The following TTC28 variants were observed in gnomAD, a reference collection of about 807,000 sequenced individuals.
TTC28 encodes the protein tetratricopeptide repeat domain 28, also known as tetratricopeptide repeat protein 28.
A neutral mutation model predicts 198.0 loss-of-function variants in TTC28; 61 were observed. The ratio of observed to expected loss-of-function variants is 0.31; its 90% CI spans 0.25 to 0.38. The LOEUF (loss-of-function observed/expected upper bound fraction) is 0.38. TTC28 is among the 10% of genes least tolerant of loss of function. The probability of loss-of-function intolerance (pLI) is 1.00; values close to 1 mark genes in which losing one functional copy is unlikely to be tolerated. For synonymous variants in TTC28, 1,171 were observed against 1,297.8 expected (o/e 0.90, Z 2.10); for missense variants, 2,678 against 3,164.0 (o/e 0.85, Z 3.69).
At chr22:28,590,376 A>T (rs978910987) in intron 2 of TTC28, among the ~76,000 whole-genome samples, 8 of 151,936 alleles carry the variant, frequency 5.3e-5, no homozygotes, top group Non-Finnish European at 8.8e-5. Flanking sequence ...TGATCCGCCC[A>T]CCTTGGCCTC....
intron 12 of TTC28, among the ~76,000 whole-genome samples, chr22:28,064,079 A>T (rs751395399): frequency 2.0e-5 from 3 of 152,178 alleles, no homozygotes; most frequent in Non-Finnish European, 4.4e-5. Context: ...ATGGGATATG[A>T]AATAGGATAA....
intron 12 of TTC28, among the ~76,000 whole-genome samples, chr22:28,069,641 A>G (rs1213669958): frequency 6.6e-6 from 1 of 152,186 alleles, no homozygotes; most frequent in Non-Finnish European, 1.5e-5. Context: ...CAAGTATTAT[A>G]TAGAATCTGG....
At chr22:28,298,283 A>G (rs569037028) in intron 3 of TTC28, among the ~76,000 whole-genome samples, 95 of 152,306 alleles carry the variant, frequency 6.2e-4, no homozygotes, top group Middle Eastern at 3.4e-3. Flanking sequence ...CAGTTTGGTC[A>G]TTAACTATTT....
At chr22:28,073,250 T>A (rs1000473239) in intron 12 of TTC28, among the ~76,000 whole-genome samples, 1 of 152,142 alleles carries the variant, frequency 6.6e-6, no homozygotes, top group Non-Finnish European at 1.5e-5. Context: ...AGGAACTGCA[T>A]GAGAAAAGGT....
chr22:28,036,708 T>TA (rs752033171), intron 12 of TTC28, among the ~76,000 whole-genome samples: 84 of 152,074 alleles, frequency 5.5e-4, no homozygotes, highest in Non-Finnish European at 9.4e-4. Flanking sequence ...AAAAACCCTT[T>TA]AAAAAATCAA....
intron 5 of TTC28, among the ~76,000 whole-genome samples, chr22:28,240,041 A>T (rs1362722229): frequency 1.3e-5 from 2 of 152,238 alleles, no homozygotes; most frequent in African/African-American, 4.8e-5. Context: ...TGTCCACTAG[A>T]TGACAGAAAT....
At position 27,992,960 on chromosome 22, in the gene TTC28, CCGCA is replaced by C. The variant is rs1020044709; in HGVS notation, c.5477-301_5477-298del. The C allele has an allele frequency of 1.1e-5, 6 of 557,184 alleles. No homozygotes were observed. The African/African-American group carries it at 1.1e-4, about 10-fold the overall frequency. 34.5% of individuals were successfully genotyped at this position (557,184 alleles called of 1,614,324 possible). A position where few individuals can be genotyped will look rare whatever the true frequency, so the allele number is the denominator to read the frequency against. On this transcript the variant is annotated intron_variant, in intron 18 of 22. Transcript: ENST00000397906. ...GCACCCAGCTTCACCCTGGGGTTGG[CCGCA>C]CAGCTTCATCGGGGCCACAGCTGCT... is the stretch of plus-strand genomic sequence containing the variant.
chr22:28,158,654 C>G (rs188518983), intron 6 of TTC28, among the ~76,000 whole-genome samples: 2 of 152,130 alleles, frequency 1.3e-5, no homozygotes, highest in South Asian at 2.1e-4. Flanking sequence ...CAAGAACATA[C>G]ACTGAGAAAA....
At chr22:28,637,003 A>G (rs1355638303) in intron 1 of TTC28, among the ~76,000 whole-genome samples, 1 of 125,680 alleles carries the variant, frequency 8.0e-6, no homozygotes, top group Non-Finnish European at 1.6e-5. Context: ...TCAGGTCTTC[A>G]GTTTTTTTTT....
At chr22:28,609,433 A>C (rs550628048) in intron 2 of TTC28, among the ~76,000 whole-genome samples, 1 of 152,308 alleles carries the variant, frequency 6.6e-6, no homozygotes, top group East Asian at 1.9e-4. Flanking sequence ...CACAGAGGGC[A>C]AGCTGAAGCA....
At chr22:28,417,131 G>A (rs552549352) in intron 2 of TTC28, among the ~76,000 whole-genome samples, 3 of 151,898 alleles carry the variant, frequency 2.0e-5, no homozygotes, top group African/African-American at 7.2e-5. Context: ...ACTCACACTT[G>A]TAATCCCATC....
chr22:27,999,489 G>T, intron 15 of TTC28: 1 of 624,498 alleles, frequency 1.6e-6, no homozygotes, highest in Non-Finnish European at 2.7e-6. Flanking sequence ...CATCAGGACT[G>T]GATGGTAGGG....
intron 5 of TTC28, among the ~76,000 whole-genome samples, chr22:28,211,697 C>T (rs1020277937): frequency 2.6e-5 from 4 of 152,040 alleles, no homozygotes; most frequent in African/African-American, 4.8e-5. Flanking sequence ...CTTTAACACC[C>T]CACTGTCAAC....
intron 2 of TTC28, among the ~76,000 whole-genome samples, chr22:28,340,700 A>C (rs2045815138): frequency 6.6e-6 from 1 of 152,214 alleles, no homozygotes; most frequent in African/African-American, 2.4e-5. Context: ...AAGTAAAATG[A>C]CAAAGTACTA....
intron 14 of TTC28, among the ~76,000 whole-genome samples, chr22:28,013,363 G>A (rs569125080): frequency 3.4e-4 from 52 of 152,322 alleles, no homozygotes; most frequent in Non-Finnish European, 5.4e-4. Context: ...TGGGCTCACC[G>A]TTGGGATTTG....
At chr22:28,045,979 A>G (rs922251752) in intron 12 of TTC28, among the ~76,000 whole-genome samples, 25 of 152,172 alleles carry the variant, frequency 1.6e-4, no homozygotes, top group African/African-American at 6.0e-4. Flanking sequence ...CAAAAACGAA[A>G]AGAAAGTCAT....
chr22:28,234,422 C>T (rs1341406769), intron 5 of TTC28, among the ~76,000 whole-genome samples: 1 of 151,536 alleles, frequency 6.6e-6, no homozygotes, highest in Non-Finnish European at 1.5e-5. Context: ...ACCCAGGCTA[C>T]AGTACAGTGG....
chr22:28,028,309 G>A (rs764223544), intron 13 of TTC28, among the ~76,000 whole-genome samples: 26 of 152,198 alleles, frequency 1.7e-4, no homozygotes, highest in Admixed American at 1.1e-3. Flanking sequence ...GGCTGGGGGC[G>A]GAGATTGTGT....
At chr22:28,231,810 A>G (rs1056253662) in intron 5 of TTC28, among the ~76,000 whole-genome samples, 3 of 152,232 alleles carry the variant, frequency 2.0e-5, no homozygotes, top group East Asian at 3.8e-4. Context: ...TCCAGCTTTG[A>G]TAACAGCAAG....
Sources: allele counts gnomAD v4.1 joint callset (sites outside exome capture counted in the v4.1 genomes callset), GRCh38; gene constraint gnomAD v4.1.1; transcripts MANE v1.5; gene names NCBI Gene and HGNC (gene_info 2026-07-23, HGNC 2026-07-21).